The following ADAMTS5 variants were observed in gnomAD, a reference collection of about 807,000 sequenced individuals.
The protein encoded by ADAMTS5 is ADAM metallopeptidase with thrombospondin type 1 motif 5.
Under a neutral mutation model 81.4 loss-of-function variants are expected in ADAMTS5, and 54 were observed. The observed-to-expected ratio is 0.66, with a 90% CI of 0.53 to 0.83. The LOEUF is 0.83. Among genes scored for constraint, ADAMTS5 ranks in the 40% least tolerant of loss-of-function variants. The pLI, the probability that ADAMTS5 is intolerant of heterozygous loss-of-function variation, is 0.00. For synonymous variants in ADAMTS5, 532 were observed against 508.8 expected (o/e 1.05, Z -0.61); for missense variants, 1,194 against 1,229.9 (o/e 0.97, Z 0.44).
In ADAMTS5 at chr21:26,966,169, G is replaced by C. The variant is rs377518197; in HGVS notation, c.223C>G (p.Gln75Glu). The change falls in exon 1 of 8, where the codon CAG (glutamine) becomes GAG (glutamate). Residue 75 changes from glutamine to glutamate, a missense_variant. This residue lies in a region of ADAMTS5 where 498 missense variants were observed against 412.3 expected (regional missense o/e 1.21). Coordinates refer to ENST00000284987, the MANE Select transcript of ADAMTS5 (RefSeq NM_007038.5). ...AQRRRSKGLV[Q>E]NIDQLYSGGG... The stretch of plus-strand genomic sequence containing the variant: ...CCGGAGTAGAGTTGGTCGATGTTCT[G>C]CACCAGCCCCTTGCTCCTGCGCCGC... The C allele has an allele frequency of 4.0e-5, 64 of 1,608,066 alleles. No individual in the cohort carries two copies. The highest frequency in any genetic ancestry group is 1.7e-5 in the Admixed American group (1 of 59,684).
At chr21:26,953,690 T>A (rs1987364383) in intron 2 of ADAMTS5, among the ~76,000 whole-genome samples, 1 of 152,136 alleles carries the variant, frequency 6.6e-6, no homozygotes, top group Non-Finnish European at 1.5e-5. Flanking sequence ...ACCATAATTA[T>A]CAAACCATGC....
Position 26,965,728 on chromosome 21 carries a change from C to T in ADAMTS5, c.664G>A (p.Ala222Thr), listed in dbSNP as rs750080053. The T allele has an allele frequency of 5.0e-6, 8 of 1,591,104 alleles. No individual in the cohort carries two copies. In the Admixed American group the frequency reaches 7.0e-5, roughly 14 times the overall value. Residue 222 changes from alanine to threonine, a missense_variant, in exon 1 of 8, where the codon GCT (alanine) becomes ACT (threonine). Coordinates refer to ENST00000284987, the MANE Select transcript of ADAMTS5 (RefSeq NM_007038.5). ...CCGCTCGGGTTGCTGTGCGCCGGAG[C>T]ATGCTCGTGGGCCTCCGGTGTGGAC... ...PASTPEAHEH[A>T]PAHSNPSGRA... is the part of the protein sequence containing the mutation.
chr21:26,938,601 C>T (rs941621025), intron 3 of ADAMTS5, among the ~76,000 whole-genome samples: 1 of 152,232 alleles, frequency 6.6e-6, no homozygotes, highest in African/African-American at 2.4e-5. Context: ...GCAATCTCGG[C>T]TCACTGCAAC....
chr21:26,956,295 TTA>T (rs1987425519), intron 1 of ADAMTS5, among the ~76,000 whole-genome samples: 1 of 152,228 alleles, frequency 6.6e-6, no homozygotes, highest in African/African-American at 2.4e-5. Flanking sequence ...GTTCTGTTTA[TTA>T]TGAGTTCCCA....
intron 1 of ADAMTS5, among the ~76,000 whole-genome samples, chr21:26,963,317 G>GAA (rs1987565713): frequency 6.6e-6 from 1 of 151,796 alleles, no homozygotes; most frequent in Admixed American, 6.6e-5. Flanking sequence ...AACAAATTCG[G>GAA]AAAAAGTAAT....
intron 3 of ADAMTS5, 44 bp downstream of exon 3, chr21:26,943,336 C>G: frequency 3.2e-6 from 5 of 1,557,994 alleles, no homozygotes; most frequent in Non-Finnish European, 4.4e-6. Flanking sequence ...CCTAAGAATC[C>G]CAAATTTTGT....
chr21:26,938,738 C>G (rs1482623238), intron 3 of ADAMTS5, among the ~76,000 whole-genome samples: 2 of 152,300 alleles, frequency 1.3e-5, no homozygotes, highest in African/African-American at 4.8e-5. Flanking sequence ...CCGTGTTGGC[C>G]AGGCTGGTTT....
In ADAMTS5 at chr21:26,951,679, C is replaced by CAAAAAA. The variant is rs58060427; in HGVS notation, c.1237+3054_1237+3059dup. ...GGGCAACAAGAGTGACCCTCCATCT[C>CAAAAAA]AAAAAAAAAAAAAAAAAAAAAAAAA... On this transcript the variant is annotated intron_variant, in intron 2 of 7. Transcript: ENST00000284987. Among the ~76,000 whole-genome samples the CAAAAAA allele has an allele frequency of 8.6e-5, 4 of 46,628 alleles. 1 individual carries two copies. The highest frequency in any genetic ancestry group is 3.5e-4 in the African/African-American group (4 of 11,472). The allele number at this position is 46,628 out of a possible 152,430, so 30.6% of individuals were successfully genotyped here.
chr21:26,943,233 A>T (rs1485928010), intron 3 of ADAMTS5, 147 bp downstream of exon 3: 1 of 810,636 alleles, frequency 1.2e-6, no homozygotes, highest in Admixed American at 3.1e-5. Flanking sequence ...CCCACATATG[A>T]TCAATTTTCT....
intron 2 of ADAMTS5, among the ~76,000 whole-genome samples, chr21:26,946,826 G>T (rs866597786): frequency 1.3e-5 from 2 of 152,206 alleles, no homozygotes; most frequent in South Asian, 2.1e-4. Flanking sequence ...GAGGCAGGGG[G>T]ATGGAATCGA....
chr21:26,918,119 A>C lies in ADAMTS5; in HGVS notation c.*5934T>G, dbSNP rs1986616446. On this transcript the variant is annotated 3_prime_UTR_variant, in exon 8 of 8. Transcript: ENST00000284987. ...AGAGCTGTTGTGGAATGCAGGCTAC[A>C]AGACACAGTAATGCTTTAAATAGTT... 1 of 152,434 alleles carries C rather than the reference A, an allele frequency of 6.6e-6. No homozygotes were observed. The highest frequency in any genetic ancestry group is 1.5e-5 in the Non-Finnish European group (1 of 67,926). The allele number at this position is 152,434 out of a possible 1,614,324, so 9.4% of individuals were successfully genotyped here.
At position 26,920,245 on chromosome 21, in the gene ADAMTS5, T is replaced by C. The variant is rs1257541074; in HGVS notation, c.*3808A>G. On this transcript the variant is annotated 3_prime_UTR_variant, in exon 8 of 8. Coordinates refer to ENST00000284987, the MANE Select transcript of ADAMTS5 (RefSeq NM_007038.5). The stretch of plus-strand genomic sequence containing the variant: ...AATGGGGAAATATCACAACCAGAGA[T>C]TGGCTGTGTGTCCAAGGGTGCTTTG... 1 of 152,074 alleles carries C rather than the reference T, an allele frequency of 6.6e-6. No homozygotes were observed. The highest frequency in any genetic ancestry group is 1.5e-5 in the Non-Finnish European group (1 of 68,000). 9.4% of individuals were successfully genotyped at this position (152,074 alleles called of 1,614,324 possible). A position where few individuals can be genotyped will look rare whatever the true frequency, so the allele number is the denominator to read the frequency against.
At chr21:26,958,225 G>A (rs994609478) in intron 1 of ADAMTS5, among the ~76,000 whole-genome samples, 1 of 152,176 alleles carries the variant, frequency 6.6e-6, no homozygotes, top group Non-Finnish European at 1.5e-5. Flanking sequence ...GACACAGGTA[G>A]ATACCATCAC....
intron 1 of ADAMTS5, among the ~76,000 whole-genome samples, chr21:26,958,839 A>C (rs955026280): frequency 1.3e-5 from 2 of 152,260 alleles, no homozygotes; most frequent in African/African-American, 4.8e-5. Flanking sequence ...AGAGGCATTG[A>C]TGAATTCTCC....
chr21:26,924,975 C>T (rs903134277), intron 7 of ADAMTS5, among the ~76,000 whole-genome samples: 2 of 152,146 alleles, frequency 1.3e-5, no homozygotes, highest in African/African-American at 4.8e-5. Flanking sequence ...CTTTCTGGCA[C>T]AAAATGGGAT....
Position 26,924,090 on chromosome 21 carries a change from G to A in ADAMTS5, c.2756C>T (p.Pro919Leu). The A allele has an allele frequency of 1.2e-6, 2 of 1,606,304 alleles. No individual in the cohort carries two copies. Among genetic ancestry groups the A allele is most frequent in the Non-Finnish European group, 1.7e-6 (2 of 1,173,556 alleles). Residue 919 changes from proline to leucine, a missense_variant, in exon 8 of 8, where the codon CCT becomes CTT. By Grantham distance (98) the Pro-to-Leu change is moderately conservative (BLOSUM62 -3). Around this residue, in one of 2 missense-constraint regions of ADAMTS5, gnomAD observed 696 missense variants for 817.6 expected, o/e 0.85. Coordinates refer to ENST00000284987, the MANE Select transcript of ADAMTS5 (RefSeq NM_007038.5). ...LAKGCPLSQRPSAFKQCLLKK... is the reference protein window; with the variant it reads ...LAKGCPLSQRLSAFKQCLLKK... ...CAACAAGCATTGCTTAAACGCAGAAGGCCTTTGGGAGAGAGGACATCCTTT... is the reference window on the plus strand; with the variant it reads ...CAACAAGCATTGCTTAAACGCAGAAAGCCTTTGGGAGAGAGGACATCCTTT...
rs1363081970 is a variant in ADAMTS5, at chr21:26,921,282, T to C, written c.*2771A>G. 1 of 152,374 alleles carries C rather than the reference T, an allele frequency of 6.6e-6. No homozygotes were observed. The highest frequency in any genetic ancestry group is 2.4e-5 in the African/African-American group (1 of 41,414). 9.4% of individuals were successfully genotyped at this position (152,374 alleles called of 1,614,324 possible). A position where few individuals can be genotyped will look rare whatever the true frequency, so the allele number is the denominator to read the frequency against. ...TGAATAAATTATAACAATGCCCACATATTTCTAAACAGCAAGGCAGGGCTT... is the reference window on the plus strand; with the variant it reads ...TGAATAAATTATAACAATGCCCACACATTTCTAAACAGCAAGGCAGGGCTT... On this transcript the variant is annotated 3_prime_UTR_variant, in exon 8 of 8. Coordinates refer to ENST00000284987, the MANE Select transcript of ADAMTS5 (RefSeq NM_007038.5).
chr21:26,924,101 G>T lies in ADAMTS5; in HGVS notation c.2745C>A (p.Leu915=). The change falls in exon 8 of 8, where the codon CTC becomes CTA. Residue 915 remains leucine, a synonymous_variant. Transcript: ENST00000284987. ...GCTTAAACGCAGAAGGCCTTTGGGA[G>T]AGAGGACATCCTTTTGCTAACTTCC... ...GNRKLAKGCP[L]SQRPSAFKQC... 1.2e-6 allele frequency: 2 copies of T among 1,611,044 alleles called. No homozygotes were observed. The highest frequency in any genetic ancestry group is 1.7e-6 in the Non-Finnish European group (2 of 1,177,380).
At chr21:26,934,895 A>G in intron 3 of ADAMTS5, 146 bp from the exon 4 acceptor site, 1 of 1,149,184 alleles carries the variant, frequency 8.7e-7, no homozygotes, top group Non-Finnish European at 1.2e-6. Flanking sequence ...GAGGGACTCC[A>G]TGGGGACAAG....
Sources: allele counts gnomAD v4.1 joint callset (sites outside exome capture counted in the v4.1 genomes callset), GRCh38; gene constraint gnomAD v4.1.1; regional missense constraint gnomAD v4.1.1; transcripts MANE v1.5; gene names NCBI Gene and HGNC (gene_info 2026-07-23, HGNC 2026-07-21).